Variants in LAMA3 observed in about 807,000 individuals in gnomAD.
The protein encoded by LAMA3 is laminin subunit alpha-3.
In LAMA3, 281 loss-of-function variants were observed where a neutral mutation model predicts 402.0. That is an observed-to-expected ratio of 0.70 (90% CI 0.63 to 0.77). The LOEUF (loss-of-function observed/expected upper bound fraction) is 0.77, where lower values mean the gene tolerates loss of function less well. Among genes scored for constraint, LAMA3 ranks in the 30% least tolerant of loss-of-function variants. LAMA3 has a pLI of 0.00. For missense variants in LAMA3, 3,840 were observed against 4,215.5 expected (o/e 0.91, Z 2.47); for synonymous variants, 1,431 against 1,558.4 (o/e 0.92, Z 1.93).
chr18:23,928,607 T>C lies in LAMA3; in HGVS notation c.8296-18T>C, dbSNP rs760391151. 2 of 1,613,180 alleles carry C rather than the reference T, an allele frequency of 1.2e-6. No individual in the cohort carries two copies. The highest frequency in any genetic ancestry group is 1.7e-6 in the Non-Finnish European group (2 of 1,179,086). On this transcript the variant is annotated intron_variant, in intron 63 of 74. Transcript: ENST00000313654. ...AATGATTACAATGCCAGTAATTTAT[T>C]CCATGTTTGCATTTCAGCTTGTGCG...
At chr18:23,822,021 G>T (rs1477301973) in intron 19 of LAMA3, among the ~76,000 whole-genome samples, 2 of 152,134 alleles carry the variant, frequency 1.3e-5, no homozygotes, top group South Asian at 2.1e-4. Context: ...GAGGGAGTGC[G>T]TTTTCACTGT....
chr18:23,844,166 G>A (rs1475407305), intron 29 of LAMA3, among the ~76,000 whole-genome samples: 2 of 152,192 alleles, frequency 1.3e-5, no homozygotes, highest in Non-Finnish European at 2.9e-5. Flanking sequence ...AATATCATGA[G>A]AGTAATAAGC....
intron 66 of LAMA3, among the ~76,000 whole-genome samples, chr18:23,933,135 G>A (rs2082214691): frequency 6.6e-6 from 1 of 152,164 alleles, no homozygotes; most frequent in East Asian, 1.9e-4. Context: ...ACTCACCTCT[G>A]AAGTTTCCTT....
intron 41 of LAMA3, among the ~76,000 whole-genome samples, chr18:23,885,190 C>A: frequency 6.6e-6 from 1 of 150,988 alleles, no homozygotes; most frequent in Non-Finnish European, 1.5e-5. Context: ...TCTGCATACC[C>A]CCTATTTCGA....
intron 4 of LAMA3, 111 bp downstream of exon 4, chr18:23,749,657 A>C (rs1325529729): frequency 2.5e-6 from 2 of 787,186 alleles, no homozygotes; most frequent in Non-Finnish European, 4.7e-6. Context: ...ACATAGATCA[A>C]GATGGAAACA....
In LAMA3 at chr18:23,943,888, C is replaced by A. The variant is rs778826328; in HGVS notation, c.9127C>A (p.Arg3043Ser). The change falls in exon 69 of 75, where the codon CGT becomes AGT. Residue 3043 changes from arginine (R) to serine (S), a missense_variant. By Grantham distance (110) the Arg-to-Ser change is moderately radical (BLOSUM62 -1). Coordinates refer to ENST00000313654, the MANE Select transcript of LAMA3 (RefSeq NM_198129.4). ...TATGGCTCTTTATCTTTCAAAAGGA[C>A]GTCTGGTCTTTGCACTGGGGACAGA... The part of the protein sequence containing the change: ...SFMALYLSKG[R>S]LVFALGTDGK... 6.2e-7 allele frequency: 1 copy of A among 1,613,900 alleles called. No individual in the cohort carries two copies.
At chr18:23,709,363 G>A (rs1179843535) in intron 1 of LAMA3, among the ~76,000 whole-genome samples, 1 of 152,224 alleles carries the variant, frequency 6.6e-6, no homozygotes, top group Non-Finnish European at 1.5e-5. Flanking sequence ...GTGAGCCACT[G>A]TGCCCAGCCT....
intron 2 of LAMA3, among the ~76,000 whole-genome samples, chr18:23,736,880 C>T (rs763350700): frequency 2.6e-5 from 4 of 152,124 alleles, no homozygotes; most frequent in Non-Finnish European, 4.4e-5. Context: ...CTTGGGGTTT[C>T]CCTTACTCCA....
chr18:23,855,145 A>G (rs2064042563), intron 32 of LAMA3, among the ~76,000 whole-genome samples: 1 of 152,206 alleles, frequency 6.6e-6, no homozygotes. Flanking sequence ...TCAGTGTGTG[A>G]GTTGCTCACC....
rs759892468 is a variant in LAMA3, at chr18:23,753,715, G to C, written c.856-6G>C. On this transcript the variant is annotated splice_region_variant and splice_polypyrimidine_tract_variant and intron_variant, in intron 5 of 74. Transcript: ENST00000313654. The stretch of plus-strand genomic sequence containing the variant: ...AAACTTGCATGTTCTGTGTTCTGTT[G>C]TGCAGTATTATTACAGCATAAAGGA... 1.9e-6 allele frequency: 3 copies of C among 1,607,548 alleles called. No homozygotes were observed. The South Asian group carries it at 3.3e-5, about 18-fold the overall frequency.
chr18:23,865,227 C>A (rs1336071961), intron 36 of LAMA3, among the ~76,000 whole-genome samples: 2 of 152,186 alleles, frequency 1.3e-5, no homozygotes, highest in East Asian at 3.9e-4. Context: ...CTCCTGGCCT[C>A]AAGCAATCCT....
chr18:23,804,413 G>A (rs187202150), intron 12 of LAMA3, among the ~76,000 whole-genome samples: 1 of 152,202 alleles, frequency 6.6e-6, no homozygotes, highest in Non-Finnish European at 1.5e-5. Flanking sequence ...TTTAACTGAG[G>A]TAGAAGACTC....
At chr18:23,774,843 CT>C (rs2062279103) in intron 9 of LAMA3, among the ~76,000 whole-genome samples, 1 of 152,222 alleles carries the variant, frequency 6.6e-6, no homozygotes, top group South Asian at 2.1e-4. Flanking sequence ...TTTCTTCCTT[CT>C]TCCACATCAT....
At chr18:23,722,618 A>C (rs1256282423) in intron 2 of LAMA3, among the ~76,000 whole-genome samples, 2 of 152,256 alleles carry the variant, frequency 1.3e-5, no homozygotes, top group Non-Finnish European at 2.9e-5. Context: ...ACATAACAGA[A>C]AATGAATTAA....
chr18:23,735,750 T>C (rs1339421526), intron 2 of LAMA3, among the ~76,000 whole-genome samples: 2 of 152,080 alleles, frequency 1.3e-5, no homozygotes, highest in African/African-American at 4.8e-5. Context: ...CTCCTGGCCT[T>C]TCTCTGCTTA....
intron 39 of LAMA3, among the ~76,000 whole-genome samples, chr18:23,878,102 T>A (rs2064781663): frequency 6.6e-6 from 1 of 152,128 alleles, no homozygotes; most frequent in African/African-American, 2.4e-5. Flanking sequence ...CAAGACTCTG[T>A]CTAAAAAACA....
At chr18:23,735,731 C>G (rs757987401) in intron 2 of LAMA3, among the ~76,000 whole-genome samples, 2 of 152,150 alleles carry the variant, frequency 1.3e-5, no homozygotes, top group African/African-American at 4.8e-5. Context: ...GAGCGTCCCC[C>G]TAGGCATGCT....
chr18:23,921,100 T>C, intron 61 of LAMA3, 46 bp downstream of exon 61: 2 of 1,603,696 alleles, frequency 1.2e-6, no homozygotes, highest in Non-Finnish European at 1.7e-6. Context: ...ATGTCCTTAG[T>C]CCTTTAAAAT....
chr18:23,922,127 G>A (rs141368781), intron 62 of LAMA3, among the ~76,000 whole-genome samples: 92 of 152,350 alleles, frequency 6.0e-4, no homozygotes, highest in African/African-American at 2.1e-3. Context: ...AGGCAGTAAA[G>A]CTTTATCTGA....
Sources: allele counts gnomAD v4.1 joint callset (sites outside exome capture counted in the v4.1 genomes callset), GRCh38; gene constraint gnomAD v4.1.1; transcripts MANE v1.5; gene names NCBI Gene and HGNC (gene_info 2026-07-23, HGNC 2026-07-21).